Variants in STAG1 observed in about 807,000 individuals in gnomAD.
The protein encoded by STAG1 is cohesin subunit SA-1.
A neutral mutation model predicts 170.9 loss-of-function variants in STAG1; 26 were observed. The observed-to-expected ratio is 0.15, with a 90% CI of 0.11 to 0.21. STAG1 has a LOEUF of 0.21. Ranked by LOEUF, STAG1 falls within the 10% of genes least tolerant of loss-of-function variation. The pLI is 1.00. For synonymous variants in STAG1, 514 were observed against 497.7 expected, an observed-to-expected ratio of 1.03 and a Z score of -0.44; for missense variants, 964 against 1,509.5, an observed-to-expected ratio of 0.64 and a Z score of 5.99.
At chr3:136,479,124 T>C (rs1233410320) in intron 9 of STAG1, among the ~76,000 whole-genome samples, 1 of 149,664 alleles carries the variant, frequency 6.7e-6, no homozygotes, top group Non-Finnish European at 1.5e-5. Flanking sequence ...ATGTGCACAT[T>C]GTGCAGGTTA....
intron 16 of STAG1, among the ~76,000 whole-genome samples, chr3:136,428,946 C>G (rs1051286697): frequency 1.3e-5 from 2 of 152,186 alleles, no homozygotes; most frequent in Non-Finnish European, 1.5e-5. Flanking sequence ...ACCAGCCTGG[C>G]CAACATGGTG....
chr3:136,519,861 T>G (rs1351793569), intron 7 of STAG1, among the ~76,000 whole-genome samples: 8 of 152,112 alleles, frequency 5.3e-5, no homozygotes, highest in African/African-American at 1.9e-4. Context: ...ATGTTCTACA[T>G]AGGTATTTTT....
chr3:136,687,522 A>G (rs941754910), intron 1 of STAG1, among the ~76,000 whole-genome samples: 10 of 152,154 alleles, frequency 6.6e-5, no homozygotes, highest in African/African-American at 2.4e-4. Flanking sequence ...CGACCTTGAA[A>G]AAAAAGGTCC....
At position 136,379,176 on chromosome 3, in the gene STAG1, TTAA is replaced by T. The variant is rs201688059; in HGVS notation, c.2278-1427_2278-1425del. 6.4e-3 allele frequency among the ~76,000 whole-genome samples: 980 copies of T among 152,274 alleles called. 12 individuals are homozygous for T. Among genetic ancestry groups the T allele is most frequent in the African/African-American group, 0.022 (933 of 41,554 alleles). On this transcript the variant is annotated intron_variant, in intron 22 of 33. Transcript: ENST00000383202. ...ACTAAACTTCAACATTCCTGAAACT[TTAA>T]TTTTAAACATTCAAAATACACTGAG...
chr3:136,590,767 A>G (rs1275678405), intron 4 of STAG1, among the ~76,000 whole-genome samples: 10 of 152,232 alleles, frequency 6.6e-5, no homozygotes, highest in Admixed American at 6.5e-4. Flanking sequence ...TTATAAAAAT[A>G]CAATTGTGGA....
At chr3:136,646,055 C>G (rs1940999282) in intron 1 of STAG1, among the ~76,000 whole-genome samples, 1 of 152,186 alleles carries the variant, frequency 6.6e-6, no homozygotes, top group African/African-American at 2.4e-5. Context: ...ACATTCACAG[C>G]TTTCTCATGC....
intron 5 of STAG1, among the ~76,000 whole-genome samples, chr3:136,550,954 C>G (rs1179649351): frequency 6.6e-6 from 1 of 152,036 alleles, no homozygotes; most frequent in African/African-American, 2.4e-5. Flanking sequence ...AATCAAGTCA[C>G]TATCGATATG....
intron 4 of STAG1, among the ~76,000 whole-genome samples, chr3:136,593,618 G>A (rs1938291251): frequency 1.3e-5 from 2 of 152,032 alleles, no homozygotes; most frequent in Admixed American, 6.6e-5. Context: ...AAAAGACCAC[G>A]TATCTATGAT....
intron 13 of STAG1, among the ~76,000 whole-genome samples, chr3:136,464,008 T>C (rs541795312): frequency 2.0e-5 from 3 of 151,138 alleles, no homozygotes; most frequent in Non-Finnish European, 4.4e-5. Context: ...ACATCCTAAA[T>C]GTTTACATGC....
intron 11 of STAG1, among the ~76,000 whole-genome samples, chr3:136,472,725 G>A (rs903272663): frequency 2.0e-5 from 3 of 152,110 alleles, no homozygotes; most frequent in East Asian, 1.9e-4. Context: ...TTGTGTCAAG[G>A]AAGCCTTAAC....
intron 24 of STAG1, 38 bp from the exon 25 acceptor site, chr3:136,367,120 C>T (rs769777735): frequency 1.3e-6 from 2 of 1,529,228 alleles, no homozygotes; most frequent in Non-Finnish European, 1.8e-6. Flanking sequence ...AATTCTGGTA[C>T]TTTATCCACG....
At chr3:136,435,798 T>C (rs1467212864) in intron 15 of STAG1, among the ~76,000 whole-genome samples, 1 of 152,024 alleles carries the variant, frequency 6.6e-6, no homozygotes, top group Admixed American at 6.6e-5. Context: ...GCCTCCCTAG[T>C]AGCTGGGATT....
chr3:136,416,861 T>TTTTTC (rs1402006155), intron 21 of STAG1, among the ~76,000 whole-genome samples: 3 of 151,156 alleles, frequency 2.0e-5, no homozygotes, highest in African/African-American at 4.9e-5. Context: ...TTTTTTTTTT[T>TTTTTC]TTGAGACAGA....
chr3:136,521,524 TAGAA>T (rs1427332384), intron 6 of STAG1, 107 bp from the exon 7 acceptor site: 7 of 845,442 alleles, frequency 8.3e-6, no homozygotes, highest in African/African-American at 6.9e-5. Context: ...AAAGCAGTTA[TAGAA>T]AGAAATAGGT....
At chr3:136,445,683 T>A (rs2088758173) in intron 14 of STAG1, among the ~76,000 whole-genome samples, 1 of 152,214 alleles carries the variant, frequency 6.6e-6, no homozygotes, top group Non-Finnish European at 1.5e-5. Flanking sequence ...AATAGGTATA[T>A]GAAGATTTAC....
chr3:136,749,037 C>T (rs1054585755), intron 1 of STAG1, among the ~76,000 whole-genome samples: 1 of 152,156 alleles, frequency 6.6e-6, no homozygotes, highest in Non-Finnish European at 1.5e-5. Flanking sequence ...TCTTTTCCTA[C>T]GGCAGGCAAA....
At chr3:136,450,927 T>G (rs1291936531) in intron 14 of STAG1, among the ~76,000 whole-genome samples, 3 of 152,116 alleles carry the variant, frequency 2.0e-5, no homozygotes, top group Non-Finnish European at 4.4e-5. Context: ...TTTTCTATTT[T>G]TAGTAGAGAC....
At chr3:136,657,138 G>A (rs1180463632) in intron 1 of STAG1, among the ~76,000 whole-genome samples, 1 of 149,074 alleles carries the variant, frequency 6.7e-6, no homozygotes, top group African/African-American at 2.5e-5. Context: ...AAAGTGGCCA[G>A]TGTATAGATG....
At position 136,635,943 on chromosome 3, in the gene STAG1, A is replaced by T. The variant is rs1940534215; in HGVS notation, c.-83-4962T>A. ...AGAATCTATATAAGAAAAACAATAAAATTGTAATGTAAGAAATCCAGAGGC... is the reference window on the plus strand; with the variant it reads ...AGAATCTATATAAGAAAAACAATAATATTGTAATGTAAGAAATCCAGAGGC... On this transcript the variant is annotated intron_variant, in intron 1 of 33. Coordinates refer to ENST00000383202, the MANE Select transcript of STAG1 (RefSeq NM_005862.3). 2.0e-5 allele frequency among the ~76,000 whole-genome samples: 3 copies of T among 152,294 alleles called. No individual in the cohort carries two copies. In the South Asian group the frequency reaches 6.2e-4, roughly 32 times the overall value.
Sources: allele counts gnomAD v4.1 joint callset (sites outside exome capture counted in the v4.1 genomes callset), GRCh38; gene constraint gnomAD v4.1.1; transcripts MANE v1.5; gene names NCBI Gene and HGNC (gene_info 2026-07-23, HGNC 2026-07-21).